Variants in RALY observed in about 807,000 individuals in gnomAD.
RALY encodes the protein RALY heterogeneous nuclear ribonucleoprotein.
In RALY, 15 loss-of-function variants were observed where a neutral mutation model predicts 30.7. The ratio of observed to expected loss-of-function variants is 0.49; its 90% CI spans 0.33 to 0.75. The LOEUF is 0.75. Among genes scored for constraint, RALY ranks in the 30% least tolerant of loss-of-function variants. The probability of loss-of-function intolerance (pLI) is 0.02; values close to 1 mark genes in which losing one functional copy is unlikely to be tolerated. For missense variants in RALY, 339 were observed against 414.3 expected (o/e 0.82, Z 1.58); for synonymous variants, 177 against 170.8 (o/e 1.04, Z -0.28).
At chr20:34,017,604 T>A (rs1196817187) in intron 1 of RALY, 1 of 152,208 alleles carries the variant, frequency 6.6e-6, no homozygotes, top group Non-Finnish European at 1.5e-5. Context: ...GTGAGCAGGC[T>A]CTAATGGGAG....
intron 1 of RALY, among the ~76,000 whole-genome samples, chr20:34,027,054 G>T (rs909314459): frequency 7.9e-5 from 12 of 152,082 alleles, no homozygotes; most frequent in African/African-American, 2.7e-4. Flanking sequence ...CCCTAATCCT[G>T]CCATAAGGTC....
At chr20:34,010,565 A>G (rs1216127890) in intron 1 of RALY, among the ~76,000 whole-genome samples, 1 of 152,184 alleles carries the variant, frequency 6.6e-6, no homozygotes, top group Non-Finnish European at 1.5e-5. Flanking sequence ...TCACCCAGAA[A>G]GTCACCTGCT....
At chr20:34,031,760 T>G (rs1360691623) in intron 2 of RALY, among the ~76,000 whole-genome samples, 156 bp downstream of exon 2, 47 of 152,226 alleles carry the variant, frequency 3.1e-4, no homozygotes, top group Admixed American at 3.1e-3. Context: ...GGTAACCTTC[T>G]GAACTGGGAG....
chr20:34,042,812 A>G (rs2032749488), intron 2 of RALY, among the ~76,000 whole-genome samples: 1 of 152,250 alleles, frequency 6.6e-6, no homozygotes, highest in Non-Finnish European at 1.5e-5. Context: ...CTTACTGCAG[A>G]GTTTTAAAAC....
chr20:34,058,486 CA>C (rs1033289394), intron 2 of RALY, among the ~76,000 whole-genome samples: 6 of 115,784 alleles, frequency 5.2e-5, no homozygotes, highest in Non-Finnish European at 1.7e-5. Context: ...CTGAACCATA[CA>C]ATGCCCTATC....
At chr20:33,997,712 C>T (rs1274058232) in intron 1 of RALY, among the ~76,000 whole-genome samples, 3 of 152,178 alleles carry the variant, frequency 2.0e-5, no homozygotes, top group Non-Finnish European at 4.4e-5. Context: ...TTAGATGCTG[C>T]ATATAGCCTT....
At chr20:34,023,415 C>T (rs749822051) in intron 1 of RALY, among the ~76,000 whole-genome samples, 8 of 152,082 alleles carry the variant, frequency 5.3e-5, no homozygotes, top group Non-Finnish European at 1.2e-4. Flanking sequence ...TGGCTTAAAC[C>T]TAGGTCTATC....
In RALY at chr20:34,081,584, A is replaced by G. The variant is rs66605263; in HGVS notation, c.*1679A>G. 0.09 allele frequency: 13,728 copies of G among 152,284 alleles called. 712 individuals are homozygous for G. Among genetic ancestry groups the G allele is most frequent in the African/African-American group, 0.14 (5,878 of 41,522 alleles). 9.4% of individuals were successfully genotyped at this position (152,284 alleles called of 1,614,324 possible). A position where few individuals can be genotyped will look rare whatever the true frequency, so the allele number is the denominator to read the frequency against. Reference sequence around the variant, plus strand: ...TCCCCATTTCAAACCAACCCGGTCTACAGCCTCCAGGGAAGCTTCCTCCTG... The same window carrying G: ...TCCCCATTTCAAACCAACCCGGTCTGCAGCCTCCAGGGAAGCTTCCTCCTG... On this transcript the variant is annotated 3_prime_UTR_variant, in exon 10 of 10. Coordinates refer to ENST00000246194, the MANE Select transcript of RALY (RefSeq NM_016732.3).
intron 1 of RALY, among the ~76,000 whole-genome samples, chr20:34,018,194 GGTT>G (rs908712172): frequency 6.6e-6 from 1 of 152,220 alleles, no homozygotes; most frequent in African/African-American, 2.4e-5. Flanking sequence ...CCAGATTTAA[GGTT>G]GTAGTAGTAG....
chr20:34,048,194 G>A (rs368500305), intron 2 of RALY, among the ~76,000 whole-genome samples: 4 of 152,166 alleles, frequency 2.6e-5, no homozygotes, highest in Non-Finnish European at 5.9e-5. Flanking sequence ...CTCTGGACTC[G>A]TTAAAATGCT....
intron 1 of RALY, among the ~76,000 whole-genome samples, chr20:34,004,464 A>G (rs1045028243): frequency 5.9e-5 from 9 of 152,096 alleles, no homozygotes; most frequent in African/African-American, 1.9e-4. Flanking sequence ...GGCTGCAGAG[A>G]TGGAGAACAT....
chr20:34,049,243 A>G (rs746133656), intron 2 of RALY: 1 of 154,236 alleles, frequency 6.5e-6, no homozygotes, highest in African/African-American at 2.4e-5. Flanking sequence ...AGCCGAGTCT[A>G]TGAGGTTTGG....
At chr20:34,051,311 C>G (rs2033069965) in intron 2 of RALY, among the ~76,000 whole-genome samples, 1 of 152,128 alleles carries the variant, frequency 6.6e-6, no homozygotes, top group Admixed American at 6.5e-5. Flanking sequence ...CAAAACAGAA[C>G]CAAGATTTGG....
At chr20:34,073,472 G>A in intron 3 of RALY, 91 bp from the exon 4 acceptor site, 1 of 1,189,592 alleles carries the variant, frequency 8.4e-7, no homozygotes, top group Non-Finnish European at 1.2e-6. Context: ...TACCGTGTAA[G>A]CACATGAATT....
At chr20:34,023,603 G>A (rs892899572) in intron 1 of RALY, among the ~76,000 whole-genome samples, 24 of 152,064 alleles carry the variant, frequency 1.6e-4, no homozygotes, top group Admixed American at 1.3e-3. Flanking sequence ...AGTCTTAAGC[G>A]GGTGACTAAG....
chr20:34,077,122 C>T lies in RALY; in HGVS notation c.753C>T (p.Gly251=), dbSNP rs775543211. Residue 251 remains glycine (G), a synonymous_variant, in exon 8 of 10, where the codon GGC becomes GGT. Coordinates refer to ENST00000246194, the MANE Select transcript of RALY (RefSeq NM_016732.3). ...GCAGTGGTGGTGGCGGTGGCGGTGG[C>T]AGCAGCCGGCCACCAGCCCCCCAAG... is the stretch of plus-strand genomic sequence containing the variant. ...GGGSGGGGGG[G]SSRPPAPQEN... is the part of the protein sequence containing the mutation. 9.8e-5 allele frequency: 157 copies of T among 1,606,434 alleles called. No individual in the cohort carries two copies. Among genetic ancestry groups the T allele is most frequent in the Non-Finnish European group, 1.3e-4 (148 of 1,176,304 alleles).
At chr20:34,012,261 G>A (rs982446355) in intron 1 of RALY, among the ~76,000 whole-genome samples, 8 of 152,118 alleles carry the variant, frequency 5.3e-5, no homozygotes, top group African/African-American at 1.7e-4. Context: ...ATGAGGTGGC[G>A]GAAGGTTGCC....
At chr20:33,995,645 G>T (rs1011263340) in intron 1 of RALY, among the ~76,000 whole-genome samples, 2 of 152,124 alleles carry the variant, frequency 1.3e-5, no homozygotes, top group Non-Finnish European at 2.9e-5. Flanking sequence ...TACGTCTGTG[G>T]TGCCTGGCCA....
At chr20:34,023,730 C>T (rs919981425) in intron 1 of RALY, among the ~76,000 whole-genome samples, 1 of 152,042 alleles carries the variant, frequency 6.6e-6, no homozygotes, top group Admixed American at 6.5e-5. Flanking sequence ...ATCACAAGAG[C>T]CCCACAGTCA....
Sources: gnomAD v4.1 joint callset for allele counts (sites outside exome capture counted in the v4.1 genomes callset) on GRCh38, gnomAD v4.1.1 for gene constraint, MANE v1.5 for transcripts, NCBI Gene and HGNC (gene_info 2026-07-23, HGNC 2026-07-21) for gene names.